Variants in ZFYVE9 observed in about 807,000 individuals in gnomAD.
The protein encoded by ZFYVE9 is zinc finger FYVE-type containing 9.
In ZFYVE9, 43 loss-of-function variants were observed where a neutral mutation model predicts 126.7. The observed-to-expected ratio is 0.34, with a 90% confidence interval of 0.27 to 0.44. ZFYVE9 has a LOEUF of 0.44. ZFYVE9 is among the 20% of genes least tolerant of loss of function. The pLI is 1.00. For missense variants in ZFYVE9, 1,476 were observed against 1,697.0 expected (o/e 0.87, Z 2.29); for synonymous variants, 521 against 597.4 (o/e 0.87, Z 1.87).
chr1:52,329,810 C>T (rs1277816421), intron 13 of ZFYVE9, among the ~76,000 whole-genome samples: 1 of 152,146 alleles, frequency 6.6e-6, no homozygotes, highest in Non-Finnish European at 1.5e-5. Flanking sequence ...GAGGCTGAGG[C>T]AGGAGAATGG....
chr1:52,144,607 T>C (rs1644291407), intron 1 of ZFYVE9, among the ~76,000 whole-genome samples: 1 of 151,718 alleles, frequency 6.6e-6, no homozygotes, highest in Admixed American at 6.6e-5. Context: ...TATAAGTCTT[T>C]AGTGGCAATA....
chr1:52,282,800 A>G (rs930445729), intron 10 of ZFYVE9, among the ~76,000 whole-genome samples: 4 of 152,212 alleles, frequency 2.6e-5, no homozygotes, highest in African/African-American at 9.6e-5. Context: ...ACTGTGTTAT[A>G]CTTATTAGAT....
chr1:52,159,872 T>G (rs902443646), intron 1 of ZFYVE9, among the ~76,000 whole-genome samples: 34 of 152,006 alleles, frequency 2.2e-4, no homozygotes, highest in African/African-American at 7.7e-4. Context: ...CTCGGCTCAC[T>G]GCAAGCTCCG....
intron 1 of ZFYVE9, among the ~76,000 whole-genome samples, chr1:52,181,927 C>G (rs1174562989): frequency 6.6e-6 from 1 of 151,898 alleles, no homozygotes; most frequent in Non-Finnish European, 1.5e-5. Context: ...CTCCGCCCGG[C>G]AGCCACCCCG....
chr1:52,300,894 C>T (rs1441616596), intron 12 of ZFYVE9, among the ~76,000 whole-genome samples: 1 of 149,648 alleles, frequency 6.7e-6, no homozygotes, highest in East Asian at 2.0e-4. Context: ...GAGTCTCACT[C>T]TTTCACCCAG....
At chr1:52,177,753 A>C (rs761636285) in intron 1 of ZFYVE9, among the ~76,000 whole-genome samples, 9 of 152,160 alleles carry the variant, frequency 5.9e-5, no homozygotes, top group Non-Finnish European at 1.2e-4. Context: ...GGGGTGTTTT[A>C]AGCAGAGGAA....
Position 52,263,770 on chromosome 1 carries a change from C to CGGGGTTGGGG in ZFYVE9, c.2179-3_2179-2insGGGGTTGGGG. On this transcript the variant is annotated splice_polypyrimidine_tract_variant and splice_region_variant and intron_variant, in intron 4 of 18. Coordinates refer to ENST00000287727, the MANE Select transcript of ZFYVE9 (RefSeq NM_004799.4). ...TGTGTTCTTCCCCCCCCCCCCCCCA[C>CGGGGTTGGGG]AGGTTTTCTGTGCTTCCTGCTGTAG... 1 of 1,073,254 alleles carries CGGGGTTGGGG rather than the reference C, an allele frequency of 9.3e-7. No individual in the cohort carries two copies. Among genetic ancestry groups the CGGGGTTGGGG allele is most frequent in the Non-Finnish European group, 1.3e-6 (1 of 773,314 alleles). The allele number at this position is 1,073,254 out of a possible 1,614,324, so 66.5% of individuals were successfully genotyped here.
Position 52,238,499 on chromosome 1 carries a change from G to A in ZFYVE9, c.1082G>A (p.Cys361Tyr). The change falls in exon 4 of 19, where the codon TGC becomes TAC. Residue 361 changes from cysteine (C) to tyrosine (Y), a missense_variant. Cys to Tyr is a radical substitution (Grantham distance 194). Coordinates refer to ENST00000287727, the MANE Select transcript of ZFYVE9 (RefSeq NM_004799.4). ...RNNDCERCSD[C>Y]LVPNEVRADE... The stretch of plus-strand genomic sequence containing the variant: ...AATGACTGTGAACGGTGTTCAGATT[G>A]CCTTGTGCCTAATGAAGTTAGGGCT... The A allele has an allele frequency of 6.2e-7, 1 of 1,614,092 alleles. No homozygotes were observed. The highest frequency in any genetic ancestry group is 8.5e-7 in the Non-Finnish European group (1 of 1,179,958).
chr1:52,346,336 GGGAA>G lies in ZFYVE9; in HGVS notation c.*116_*119del. On this transcript the variant is annotated 3_prime_UTR_variant, in exon 19 of 19. Coordinates refer to ENST00000287727, the MANE Select transcript of ZFYVE9 (RefSeq NM_004799.4). ...TTTTGTTAACACTATTAATGGGGTG[GGGAA>G]TAGGGTGGGAGTGGGGGTTTGGGAG... 1.1e-5 allele frequency: 12 copies of G among 1,109,858 alleles called. No individual in the cohort carries two copies. Among genetic ancestry groups the G allele is most frequent in the Middle Eastern group, 2.2e-4 (1 of 4,520 alleles). The allele number at this position is 1,109,858 out of a possible 1,614,324, so 68.8% of individuals were successfully genotyped here.
intron 1 of ZFYVE9, among the ~76,000 whole-genome samples, chr1:52,203,961 G>A (rs1323490066): frequency 1.3e-5 from 2 of 151,878 alleles, no homozygotes; most frequent in East Asian, 1.9e-4. Flanking sequence ...GTTCTTGCAC[G>A]CTGTCTACCC....
chr1:52,208,021 A>G (rs542668685), intron 1 of ZFYVE9, among the ~76,000 whole-genome samples: 2 of 152,346 alleles, frequency 1.3e-5, no homozygotes, highest in South Asian at 4.1e-4. Flanking sequence ...AGCAACAGCT[A>G]TTAAACAATA....
chr1:52,205,693 TAAG>T (rs1644972192), intron 1 of ZFYVE9, among the ~76,000 whole-genome samples: 1 of 152,160 alleles, frequency 6.6e-6, no homozygotes, highest in African/African-American at 2.4e-5. Context: ...TTTATGCATC[TAAG>T]AAGAGTTGTT....
intron 5 of ZFYVE9, among the ~76,000 whole-genome samples, chr1:52,264,960 G>A (rs942603247): frequency 6.6e-6 from 1 of 152,134 alleles, no homozygotes; most frequent in African/African-American, 2.4e-5. Flanking sequence ...TTATTCTGCT[G>A]CTTTCATTTT....
intron 1 of ZFYVE9, among the ~76,000 whole-genome samples, chr1:52,173,281 T>G (rs1313474112): frequency 6.6e-6 from 1 of 152,250 alleles, no homozygotes; most frequent in Non-Finnish European, 1.5e-5. Flanking sequence ...TGTCTTTGGT[T>G]CTGTTTATAT....
chr1:52,175,808 G>T (rs1455217947), intron 1 of ZFYVE9, among the ~76,000 whole-genome samples: 1 of 152,146 alleles, frequency 6.6e-6, no homozygotes, highest in Non-Finnish European at 1.5e-5. Flanking sequence ...GGCTCCTGAG[G>T]CTTCTGCATT....
At chr1:52,298,169 C>CT (rs765394113) in intron 12 of ZFYVE9, among the ~76,000 whole-genome samples, 2 of 152,098 alleles carry the variant, frequency 1.3e-5, no homozygotes, top group Non-Finnish European at 2.9e-5. Flanking sequence ...TTCCATTTGT[C>CT]TATTTTTGCT....
At chr1:52,213,350 T>A (rs1645044383) in intron 1 of ZFYVE9, among the ~76,000 whole-genome samples, 1 of 152,196 alleles carries the variant, frequency 6.6e-6, no homozygotes, top group Non-Finnish European at 1.5e-5. Context: ...GAATGGAGAC[T>A]TACAATTAAA....
At chr1:52,149,840 C>T (rs1349050220) in intron 1 of ZFYVE9, among the ~76,000 whole-genome samples, 1 of 152,130 alleles carries the variant, frequency 6.6e-6, no homozygotes, top group African/African-American at 2.4e-5. Flanking sequence ...ATTATACAAT[C>T]TTTTAGTTCC....
rs148768305 is a variant in ZFYVE9 at position 52,296,176 on chromosome 1, T to TACAC, written c.3333+215_3333+218dup. Among the ~76,000 whole-genome samples the TACAC allele has an allele frequency of 5.7e-3, 853 of 150,238 alleles. 4 individuals carry two copies. The highest frequency in any genetic ancestry group is 0.019 in the South Asian group (90 of 4,748). On this transcript the variant is annotated intron_variant, in intron 12 of 18. Transcript: ENST00000287727. Reference sequence around the variant, plus strand: ...ACATATACATATATATTCATATGTATACACACACACACACACACATATATA... The same window carrying TACAC: ...ACATATACATATATATTCATATGTATACACACACACACACACACACACATATATA...
Sources: allele counts gnomAD v4.1 joint callset (sites outside exome capture counted in the v4.1 genomes callset), GRCh38; gene constraint gnomAD v4.1.1; transcripts MANE v1.5; gene names NCBI Gene and HGNC (gene_info 2026-07-23, HGNC 2026-07-21).